GBF1: variants seen among roughly 807,000 people sequenced by gnomAD.
GBF1 encodes the protein Golgi-specific brefeldin A-resistance guanine nucleotide exchange factor 1.
In GBF1, 114 loss-of-function variants were observed where a neutral mutation model predicts 210.5. The ratio of observed to expected loss-of-function variants is 0.54; its 90% CI spans 0.47 to 0.63. The LOEUF (loss-of-function observed/expected upper bound fraction) is 0.63, where lower values mean the gene tolerates loss of function less well. Ranked by LOEUF, GBF1 falls within the 30% of genes least tolerant of loss-of-function variation. The pLI is 0.00. For missense variants in GBF1, 1,851 were observed against 2,357.7 expected (o/e 0.79, Z 4.45); for synonymous variants, 850 against 889.2 (o/e 0.96, Z 0.78).
intron 3 of GBF1, among the ~76,000 whole-genome samples, chr10:102,278,259 A>C (rs1205937197): frequency 2.6e-5 from 4 of 151,912 alleles, no homozygotes; most frequent in African/African-American, 9.7e-5. Flanking sequence ...AAACAAAAAA[A>C]CATTAAACAA....
At chr10:102,353,754 T>G in intron 8 of GBF1, 100 bp downstream of exon 8, 1 of 801,228 alleles carries the variant, frequency 1.2e-6, no homozygotes, top group Non-Finnish European at 2.2e-6. Context: ...TGCTTTTGCC[T>G]AAACAGGTCT....
chr10:102,259,200 G>A (rs1050996815), intron 2 of GBF1, among the ~76,000 whole-genome samples, 166 bp downstream of exon 2: 1 of 152,028 alleles, frequency 6.6e-6, no homozygotes, highest in Admixed American at 6.6e-5. Context: ...AGATATATAG[G>A]CTATCTTTTT....
Position 102,381,996 on chromosome 10 carries a change from G to A in GBF1, c.5303-60G>A, listed in dbSNP as rs1299020667. The A allele has an allele frequency of 2.1e-6, 3 of 1,396,890 alleles. No individual in the cohort carries two copies. The Admixed American group carries it at 7.0e-5, about 33-fold the overall frequency. 86.5% of individuals were successfully genotyped at this position (1,396,890 alleles called of 1,614,324 possible). ...CTCTATAAGCAGCCAGCTGGGCAAT[G>A]TGAGAGTTGTCTTGTACCAACAAGG... On this transcript the variant is annotated intron_variant, in intron 39 of 39. Transcript: ENST00000369983.
Position 102,363,499 on chromosome 10 carries a change from G to A in GBF1, c.2017+103G>A. On this transcript the variant is annotated intron_variant, in intron 16 of 39. Transcript: ENST00000369983. This position sits in a 1 kb window ranked among gnomAD's most constrained non-coding sequence, Gnocchi z 4.2. Reference sequence around the variant, plus strand: ...TAGGATAGTAACTAAGCAAGCCTTGGTAGCCCGCCTCGCCTTCAGACTCAG... The same window carrying A: ...TAGGATAGTAACTAAGCAAGCCTTGATAGCCCGCCTCGCCTTCAGACTCAG... 8.7e-7 allele frequency: 1 copy of A among 1,145,586 alleles called. No individual in the cohort carries two copies. The highest frequency in any genetic ancestry group is 2.4e-5 in the East Asian group (1 of 42,322). The allele number at this position is 1,145,586 out of a possible 1,614,324, so 71.0% of individuals were successfully genotyped here. A position where few individuals can be genotyped will look rare whatever the true frequency, so the allele number is the denominator to read the frequency against.
chr10:102,356,445 A>T (rs1313890138), intron 8 of GBF1, among the ~76,000 whole-genome samples: 1 of 152,094 alleles, frequency 6.6e-6, no homozygotes, highest in Non-Finnish European at 1.5e-5. Context: ...CTGAGTTCAA[A>T]CCCAACTGAG....
intron 1 of GBF1, among the ~76,000 whole-genome samples, chr10:102,249,006 A>G (rs1037837994): frequency 6.6e-6 from 1 of 152,150 alleles, no homozygotes; most frequent in Non-Finnish European, 1.5e-5. Flanking sequence ...GCAGGCACAG[A>G]ATGACCACTC....
chr10:102,231,898 G>A, the GBF1 span: 1 of 1,555,628 alleles, frequency 6.4e-7, no homozygotes, highest in Non-Finnish European at 8.8e-7. Flanking sequence ...CTGCCCAGCC[G>A]GGGTCCCACC....
intron 4 of GBF1, among the ~76,000 whole-genome samples, chr10:102,349,650 TCA>T (rs2058806440): frequency 6.6e-6 from 1 of 152,150 alleles, no homozygotes; most frequent in Non-Finnish European, 1.5e-5. Flanking sequence ...TCTCTGTCAC[TCA>T]CAAAGCTTTT....
chr10:102,311,012 A>G (rs1016687659), intron 3 of GBF1, among the ~76,000 whole-genome samples: 2 of 152,164 alleles, frequency 1.3e-5, no homozygotes, highest in African/African-American at 4.8e-5. Context: ...GCTTTGAGGA[A>G]AGAAGTTTGC....
chr10:102,230,960 T>A, the GBF1 span: 1 of 1,608,394 alleles, frequency 6.2e-7, no homozygotes, highest in Non-Finnish European at 8.5e-7. Context: ...GGCGGCCAGT[T>A]GCCGTACGAG....
chr10:102,341,546 C>T (rs1192853868), intron 3 of GBF1, among the ~76,000 whole-genome samples: 1 of 152,156 alleles, frequency 6.6e-6, no homozygotes, highest in Non-Finnish European at 1.5e-5. Flanking sequence ...TCCCACATGT[C>T]CTTCAACCAG....
chr10:102,266,187 C>T (rs554489792), intron 3 of GBF1, among the ~76,000 whole-genome samples: 3 of 151,882 alleles, frequency 2.0e-5, no homozygotes, highest in African/African-American at 7.2e-5. Flanking sequence ...TGCAGTGAGC[C>T]GAGATCGTGC....
intron 39 of GBF1, among the ~76,000 whole-genome samples, chr10:102,381,824 A>AGG (rs1491110989): frequency 1.7e-4 from 12 of 70,170 alleles, no homozygotes; most frequent in East Asian, 4.0e-4. Context: ...CCCTGTCGCG[A>AGG]AAAAAAAAAA....
intron 3 of GBF1, among the ~76,000 whole-genome samples, chr10:102,292,806 A>G (rs1308278157): frequency 6.6e-6 from 1 of 152,194 alleles, no homozygotes; most frequent in Non-Finnish European, 1.5e-5. Context: ...TGATGTAGCA[A>G]TATTGTAGAA....
upstream of GBF1, among the ~76,000 whole-genome samples, chr10:102,242,433 C>A (rs952556748): frequency 6.6e-6 from 1 of 152,212 alleles, no homozygotes; most frequent in East Asian, 1.9e-4. Flanking sequence ...GCTGGTTTCC[C>A]GCTGGTGGTA....
At chr10:102,276,633 G>A (rs1211108000) in intron 3 of GBF1, among the ~76,000 whole-genome samples, 1 of 152,112 alleles carries the variant, frequency 6.6e-6, no homozygotes, top group East Asian at 1.9e-4. Context: ...ATGGGAGATG[G>A]TGCCAGGGTC....
intron 35 of GBF1, 46 bp from the exon 36 acceptor site, chr10:102,379,807 C>G: frequency 1.3e-6 from 2 of 1,516,268 alleles, no homozygotes; most frequent in Non-Finnish European, 1.8e-6. Flanking sequence ...GGCAAGGCTG[C>G]CTAGCTGAAC....
chr10:102,379,530 GC>G lies in GBF1; in HGVS notation c.4657del (p.Leu1553CysfsTer14), dbSNP rs745699224. 1.9e-6 allele frequency: 3 copies of G among 1,614,160 alleles called. No homozygotes were observed. ...CWCPLLQGIACLCCDARRQVR... is the reference protein window; with the variant it reads ...CWCPLLQGIAXLCCDARRQVR... ...CTGCTCTTGCTCTCAGGTATTGCCTGCCTGTGCTGCGATGCCCGGCGCCAGG... is the reference window on the plus strand; with the variant it reads ...CTGCTCTTGCTCTCAGGTATTGCCTGCTGTGCTGCGATGCCCGGCGCCAGG... On this transcript the variant is annotated frameshift_variant, in exon 35 of 40. Transcript: ENST00000369983. LOFTEE classifies it high-confidence loss of function.
chr10:102,379,659 T>A lies in GBF1; in HGVS notation c.4776+8T>A, dbSNP rs752577545. The A allele has an allele frequency of 1.9e-6, 3 of 1,613,866 alleles. No individual in the cohort carries two copies. Among genetic ancestry groups the A allele is most frequent in the Non-Finnish European group, 2.5e-6 (3 of 1,179,860 alleles). On this transcript the variant is annotated splice_region_variant and intron_variant, in intron 35 of 39. Coordinates refer to ENST00000369983, the MANE Select transcript of GBF1 (RefSeq NM_001377137.1). ...GAGTCCTGTTTTAACAAGGTGGGAC[T>A]TCCTACTGGTCTTAAGATAAAGTTC... is the stretch of plus-strand genomic sequence containing the variant.
Sources: allele counts gnomAD v4.1 joint callset (sites outside exome capture counted in the v4.1 genomes callset), GRCh38; gene constraint gnomAD v4.1.1; non-coding constraint Gnocchi (gnomAD v3.1); transcripts MANE v1.5; gene names NCBI Gene and HGNC (gene_info 2026-07-23, HGNC 2026-07-21).